Variants in ZNF385D observed in about 807,000 individuals in gnomAD.
ZNF385D encodes the protein zinc finger protein 659.
ZNF385D carries 15 observed loss-of-function variants against 35.8 expected under a neutral mutation model. The observed-to-expected ratio is 0.42, with a 90% CI of 0.28 to 0.64. The LOEUF is 0.64. Ranked by LOEUF, ZNF385D falls within the 30% of genes least tolerant of loss-of-function variation. ZNF385D has a pLI of 0.23. For synonymous variants in ZNF385D, 212 were observed against 186.8 expected, an observed-to-expected ratio of 1.13 and a Z score of -1.10; for missense variants, 474 against 494.6, an observed-to-expected ratio of 0.96 and a Z score of 0.39.
chr3:22,112,557 A>G (rs1702589450), intron 3 of ZNF385D, among the ~76,000 whole-genome samples: 1 of 152,136 alleles, frequency 6.6e-6, no homozygotes, highest in Non-Finnish European at 1.5e-5. Context: ...GCAGTTTTGT[A>G]ATTATCCACA....
chr3:21,975,541 A>C (rs539782649), intron 3 of ZNF385D, among the ~76,000 whole-genome samples: 1 of 152,030 alleles, frequency 6.6e-6, no homozygotes, highest in Non-Finnish European at 1.5e-5. Flanking sequence ...AAATAACTAA[A>C]AGCATATAAT....
Position 21,810,796 on chromosome 3 carries a change from T to C in ZNF385D, c.326-145768A>G, listed in dbSNP as rs754781693. On this transcript the variant is annotated intron_variant, in intron 3 of 5. Coordinates refer to the ZNF385D transcript ENST00000494108. ...GAGACATCCCTACACAATATTTATA[T>C]TGAATGAGTTAATTTAAACATAGGA... 4.6e-5 allele frequency among the ~76,000 whole-genome samples: 7 copies of C among 152,136 alleles called. No individual in the cohort carries two copies. In the South Asian group the frequency reaches 6.2e-4, roughly 14 times the overall value.
intron 2 of ZNF385D, among the ~76,000 whole-genome samples, chr3:22,237,067 A>G (rs1209981542): frequency 3.3e-5 from 5 of 152,198 alleles, no homozygotes; most frequent in Non-Finnish European, 7.4e-5. Context: ...GTCATATAGT[A>G]ACTCTGCATT....
At chr3:21,576,227 C>T (rs1474173944) in intron 2 of ZNF385D, among the ~76,000 whole-genome samples, 2 of 152,156 alleles carry the variant, frequency 1.3e-5, no homozygotes, top group African/African-American at 4.8e-5. Flanking sequence ...CCACAGTGGT[C>T]CCTTGAGGAA....
chr3:22,287,657 G>A (rs1702094583), intron 2 of ZNF385D, among the ~76,000 whole-genome samples: 1 of 151,736 alleles, frequency 6.6e-6, no homozygotes, highest in South Asian at 2.1e-4. Context: ...ATAACCCCCA[G>A]CATTTTAGGT....
intron 3 of ZNF385D, among the ~76,000 whole-genome samples, chr3:21,517,070 G>A (rs563578744): frequency 9.5e-6 from 1 of 104,808 alleles, no homozygotes; most frequent in Non-Finnish European, 2.2e-5. Context: ...ATGATTACAG[G>A]AAAAAAAGCT....
intron 3 of ZNF385D, among the ~76,000 whole-genome samples, chr3:22,164,433 T>A (rs969649406): frequency 6.6e-6 from 1 of 151,818 alleles, no homozygotes; most frequent in Non-Finnish European, 1.5e-5. Context: ...TTCACCATGT[T>A]TGCCAGGATG....
chr3:21,722,463 C>A (rs1382278201), intron 1 of ZNF385D, among the ~76,000 whole-genome samples: 1 of 152,182 alleles, frequency 6.6e-6, no homozygotes, highest in Non-Finnish European at 1.5e-5. Context: ...AATGCAATGG[C>A]ACCCACAAAT....
chr3:21,800,579 C>T (rs1305860343), intron 3 of ZNF385D, among the ~76,000 whole-genome samples: 3 of 152,138 alleles, frequency 2.0e-5, no homozygotes, highest in Non-Finnish European at 4.4e-5. Context: ...TTAAGGCCAG[C>T]TCAGGCAACA....
intron 2 of ZNF385D, among the ~76,000 whole-genome samples, chr3:21,636,179 C>T (rs994711022): frequency 4.6e-5 from 7 of 151,208 alleles, no homozygotes; most frequent in African/African-American, 7.3e-5. Flanking sequence ...CCACCAGCAG[C>T]GTAGAAGTGT....
At chr3:22,302,311 A>G (rs1444814785) in intron 2 of ZNF385D, among the ~76,000 whole-genome samples, 1 of 151,634 alleles carries the variant, frequency 6.6e-6, no homozygotes, top group Admixed American at 6.6e-5. Flanking sequence ...TTTATTTCCA[A>G]TTTCTGTGTA....
At chr3:21,881,201 T>C (rs1015640234) in intron 3 of ZNF385D, among the ~76,000 whole-genome samples, 9 of 151,968 alleles carry the variant, frequency 5.9e-5, no homozygotes, top group Admixed American at 2.0e-4. Flanking sequence ...CAGCCTTACA[T>C]TGAAAGAGGA....
intron 2 of ZNF385D, among the ~76,000 whole-genome samples, chr3:21,601,658 A>G (rs1402906664): frequency 6.6e-6 from 1 of 152,228 alleles, no homozygotes; most frequent in Non-Finnish European, 1.5e-5. Flanking sequence ...TATTTAATAA[A>G]TGATCACCAC....
intron 2 of ZNF385D, among the ~76,000 whole-genome samples, chr3:22,241,262 G>A (rs1699477296): frequency 6.6e-6 from 1 of 151,172 alleles, no homozygotes; most frequent in Non-Finnish European, 1.5e-5. Flanking sequence ...GTATGGTGAG[G>A]AAGGTGGCAA....
intron 2 of ZNF385D, among the ~76,000 whole-genome samples, chr3:21,576,580 A>C (rs1467380322): frequency 6.6e-6 from 1 of 152,218 alleles, no homozygotes; most frequent in Non-Finnish European, 1.5e-5. Context: ...GCAATTTGTC[A>C]GTTAAGCCCT....
chr3:22,202,061 G>A (rs191776424), intron 2 of ZNF385D, among the ~76,000 whole-genome samples: 108 of 152,042 alleles, frequency 7.1e-4, no homozygotes, highest in African/African-American at 2.4e-3. Flanking sequence ...ATTTGAGTCA[G>A]GAAACTGGGA....
chr3:22,360,150 G>C (rs1339518939), intron 2 of ZNF385D, among the ~76,000 whole-genome samples: 1 of 151,960 alleles, frequency 6.6e-6, no homozygotes, highest in African/African-American at 2.4e-5. Context: ...CTTACAACTT[G>C]TCTCATTTTC....
At chr3:22,233,647 C>T (rs1046023391) in intron 2 of ZNF385D, among the ~76,000 whole-genome samples, 4 of 152,084 alleles carry the variant, frequency 2.6e-5, no homozygotes, top group Non-Finnish European at 5.9e-5. Context: ...CCCCAGAATA[C>T]CTGGCTTCTA....
chr3:21,819,705 T>C (rs1488070189), intron 3 of ZNF385D, among the ~76,000 whole-genome samples: 3 of 146,558 alleles, frequency 2.0e-5, no homozygotes, highest in African/African-American at 7.4e-5. Flanking sequence ...TGTATATATA[T>C]ACACGTATAT....
Sources: allele counts gnomAD v4.1 joint callset (sites outside exome capture counted in the v4.1 genomes callset), GRCh38; gene constraint gnomAD v4.1.1; transcripts MANE v1.5; gene names NCBI Gene and HGNC (gene_info 2026-07-23, HGNC 2026-07-21).